The following RFTN1 variants were observed in gnomAD, a reference collection of about 807,000 sequenced individuals.
The protein encoded by RFTN1 is raftlin, lipid raft linker 1.
In RFTN1, 26 loss-of-function variants were observed where a neutral mutation model predicts 46.5. The ratio of observed to expected loss-of-function variants is 0.56; its 90% CI spans 0.41 to 0.78. RFTN1 has a LOEUF of 0.78. RFTN1 is among the 30% of genes least tolerant of loss of function. The pLI, the probability that RFTN1 is intolerant of heterozygous loss-of-function variation, is 0.00. For missense variants in RFTN1, 693 were observed against 718.7 expected (o/e 0.96, Z 0.41); for synonymous variants, 261 against 284.2 (o/e 0.92, Z 0.82).
chr3:16,510,831 C>T (rs551416845), intron 1 of RFTN1, among the ~76,000 whole-genome samples: 6 of 152,234 alleles, frequency 3.9e-5, no homozygotes, highest in African/African-American at 7.2e-5. Context: ...CAAATGTTCA[C>T]GGCAGCTTTG....
chr3:16,447,585 T>C lies in RFTN1; in HGVS notation c.146-13548A>G, dbSNP rs73022298. ...GTCCCTAATGGTGTTTGGGGGCACA[T>C]GCACATGTCCCTCCCAGCTGCCTTC... is the stretch of plus-strand genomic sequence containing the variant. On this transcript the variant is annotated intron_variant, in intron 2 of 9. Coordinates refer to ENST00000334133, the MANE Select transcript of RFTN1 (RefSeq NM_015150.2). The surrounding 1 kb of genome is among the most constrained non-coding windows in gnomAD (Gnocchi z 5.9). Among the ~76,000 whole-genome samples, 23,683 of 152,218 alleles carry C rather than the reference T, an allele frequency of 0.16. 2,332 individuals carry two copies. The highest frequency in any genetic ancestry group is 0.25 in the South Asian group (1,185 of 4,814).
intron 7 of RFTN1, chr3:16,349,611 T>C (rs976993722): frequency 2.0e-5 from 3 of 152,242 alleles, no homozygotes; most frequent in Non-Finnish European, 4.4e-5. Flanking sequence ...GAAAAGGGTA[T>C]GTTCAAGACA....
rs985458266 is a variant in RFTN1, at chr3:16,346,456, T to C, written c.1146+11476A>G. 1 of 152,068 alleles carries C rather than the reference T, an allele frequency of 6.6e-6. No homozygotes were observed. Among genetic ancestry groups the C allele is most frequent in the Non-Finnish European group, 1.5e-5 (1 of 67,916 alleles). 9.4% of individuals were successfully genotyped at this position (152,068 alleles called of 1,614,324 possible). On this transcript the variant is annotated intron_variant, in intron 7 of 9. Transcript: ENST00000334133. This position sits in a 1 kb window ranked among gnomAD's most constrained non-coding sequence, Gnocchi z 4.4. Reference sequence around the variant, plus strand: ...CAAATACTTCCTTTTGTCATCTCATTATCCAAACCGTCAACAAGTCCAGTC... The same window carrying C: ...CAAATACTTCCTTTTGTCATCTCATCATCCAAACCGTCAACAAGTCCAGTC...
Position 16,473,044 on chromosome 3 carries a change from C to G in RFTN1, c.145+20681G>C. On this transcript the variant is annotated intron_variant, in intron 2 of 9. Transcript: ENST00000334133. This position sits in a 1 kb window ranked among gnomAD's most constrained non-coding sequence, Gnocchi z 5.3. ...TAAATGATACTAGGAAATCTGTTGG[C>G]TATAAATGAACTCATCGATAACACT... 6.6e-6 allele frequency among the ~76,000 whole-genome samples: 1 copy of G among 152,188 alleles called. No individual in the cohort carries two copies. The highest frequency in any genetic ancestry group is 2.4e-5 in the African/African-American group (1 of 41,422).
At chr3:16,503,927 A>G (rs577807905) in intron 1 of RFTN1, among the ~76,000 whole-genome samples, 18 of 152,376 alleles carry the variant, frequency 1.2e-4, no homozygotes, top group African/African-American at 4.1e-4. Flanking sequence ...TATTTGCTTC[A>G]GATAGTTTAT....
At chr3:16,486,072 G>C (rs1245371428) in intron 2 of RFTN1, among the ~76,000 whole-genome samples, 1 of 152,244 alleles carries the variant, frequency 6.6e-6, no homozygotes, top group East Asian at 1.9e-4. Context: ...TGTCATCCCA[G>C]GTGCCCAGCA....
At chr3:16,349,045 A>T (rs2071918846) in intron 7 of RFTN1, 1 of 152,228 alleles carries the variant, frequency 6.6e-6, no homozygotes, top group Admixed American at 6.5e-5. Context: ...GGACTCAATA[A>T]TCAGATCATG....
rs906731230 is a variant in RFTN1 at position 16,361,394 on chromosome 3, G to A, written c.1031-3347C>T. Among the ~76,000 whole-genome samples, 18 of 152,282 alleles carry A rather than the reference G, an allele frequency of 1.2e-4. No individual in the cohort carries two copies. Among genetic ancestry groups the A allele is most frequent in the African/African-American group, 4.1e-4 (17 of 41,542 alleles). On this transcript the variant is annotated intron_variant, in intron 6 of 9. Coordinates refer to ENST00000334133, the MANE Select transcript of RFTN1 (RefSeq NM_015150.2). This position sits in a 1 kb window ranked among gnomAD's most constrained non-coding sequence, Gnocchi z 4.3. The stretch of plus-strand genomic sequence containing the variant: ...GCCTACATGAAGCTTACCTTGCAGT[G>A]GAGGAGGAAGACAATAACATCATGT...
At chr3:16,471,689 C>T (rs2076198861) in intron 2 of RFTN1, among the ~76,000 whole-genome samples, 1 of 152,052 alleles carries the variant, frequency 6.6e-6, no homozygotes, top group Non-Finnish European at 1.5e-5. Flanking sequence ...AATTGGTTAT[C>T]CCAAGTTCCT....
intron 4 of RFTN1, among the ~76,000 whole-genome samples, chr3:16,379,435 C>T (rs925800597): frequency 6.6e-6 from 1 of 152,202 alleles, no homozygotes; most frequent in African/African-American, 2.4e-5. Context: ...TAAATTAAAA[C>T]AACAAAACGT....
rs1419467031 is a variant in RFTN1, at chr3:16,480,768, G to A, written c.145+12957C>T. ...AACGCAATATTGCTAATAATAATTAGTAGGGTGCATAGAATATTAACTTGT... is the reference window on the plus strand; with the variant it reads ...AACGCAATATTGCTAATAATAATTAATAGGGTGCATAGAATATTAACTTGT... On this transcript the variant is annotated intron_variant, in intron 2 of 9. Coordinates refer to ENST00000334133, the MANE Select transcript of RFTN1 (RefSeq NM_015150.2). The surrounding 1 kb of genome is among the most constrained non-coding windows in gnomAD (Gnocchi z 4.3). Among the ~76,000 whole-genome samples, 1 of 152,190 alleles carries A rather than the reference G, an allele frequency of 6.6e-6. No homozygotes were observed. The highest frequency in any genetic ancestry group is 2.4e-5 in the African/African-American group (1 of 41,432).
chr3:16,358,289 T>C (rs1440142541), intron 6 of RFTN1, among the ~76,000 whole-genome samples: 2 of 152,230 alleles, frequency 1.3e-5, no homozygotes, highest in African/African-American at 2.4e-5. Flanking sequence ...CCAAATTTCA[T>C]TGTTAGCAAT....
At chr3:16,343,415 A>G (rs2071437503) in intron 7 of RFTN1, among the ~76,000 whole-genome samples, 1 of 152,230 alleles carries the variant, frequency 6.6e-6, no homozygotes, top group Non-Finnish European at 1.5e-5. Context: ...CAAAGATATG[A>G]GGAAGCCAGC....
At position 16,424,172 on chromosome 3, in the gene RFTN1, A is replaced by T. The variant is rs1202873056; in HGVS notation, c.332+9679T>A. Among the ~76,000 whole-genome samples, 1 of 152,176 alleles carries T rather than the reference A, an allele frequency of 6.6e-6. No individual in the cohort carries two copies. The highest frequency in any genetic ancestry group is 1.5e-5 in the Non-Finnish European group (1 of 68,036). On this transcript the variant is annotated intron_variant, in intron 3 of 9. Coordinates refer to ENST00000334133, the MANE Select transcript of RFTN1 (RefSeq NM_015150.2). The surrounding 1 kb of genome is among the most constrained non-coding windows in gnomAD (Gnocchi z 4.7). ...CAGAATTCTCTGAGGATGTTTCTAT[A>T]AGCTCTGGGGCCTCTGAGTTGAAAG...
intron 1 of RFTN1, among the ~76,000 whole-genome samples, chr3:16,494,617 A>G (rs1471790937): frequency 6.6e-6 from 1 of 152,250 alleles, no homozygotes; most frequent in Non-Finnish European, 1.5e-5. Flanking sequence ...CAGTTTGAAA[A>G]GAAAATAAAG....
In RFTN1 at chr3:16,458,656, C is replaced by G. The variant is rs781063412; in HGVS notation, c.146-24619G>C. On this transcript the variant is annotated intron_variant, in intron 2 of 9. Transcript: ENST00000334133. This position sits in a 1 kb window ranked among gnomAD's most constrained non-coding sequence, Gnocchi z 5.1. ...ATTTACATATCATAGCAAACAGCCT[C>G]TTATTTAGATGTCAAATTCCAGCAA... 3.3e-5 allele frequency among the ~76,000 whole-genome samples: 5 copies of G among 152,200 alleles called. No homozygotes were observed. The highest frequency in any genetic ancestry group is 7.3e-5 in the Non-Finnish European group (5 of 68,032).
chr3:16,369,159 A>G (rs1382861340), intron 6 of RFTN1, among the ~76,000 whole-genome samples: 1 of 152,268 alleles, frequency 6.6e-6, no homozygotes, highest in African/African-American at 2.4e-5. Context: ...AGAATTCAGA[A>G]TGGTCTCTAT....
At position 16,504,579 on chromosome 3, in the gene RFTN1, C is replaced by T. The variant is rs9990208; in HGVS notation, c.-9+8863G>A. On this transcript the variant is annotated intron_variant, in intron 1 of 9. Transcript: ENST00000334133. The surrounding 1 kb of genome is among the most constrained non-coding windows in gnomAD (Gnocchi z 4.4). The stretch of plus-strand genomic sequence containing the variant: ...GCCACCCTGTGCCTTTGCTGCAGTG[C>T]CTTGCGGTATCTTAGCACAGAATTT... Among the ~76,000 whole-genome samples, 20,889 of 152,166 alleles carry T rather than the reference C, an allele frequency of 0.14. 1,826 individuals carry two copies. The highest frequency in any genetic ancestry group is 0.24 in the African/African-American group (9,932 of 41,460).
At chr3:16,470,582 C>T (rs1467659109) in intron 2 of RFTN1, among the ~76,000 whole-genome samples, 2 of 152,164 alleles carry the variant, frequency 1.3e-5, no homozygotes, top group African/African-American at 4.8e-5. Context: ...TAAACTCTGC[C>T]CAGATCTCTG....
Sources: gnomAD v4.1 joint callset for allele counts (sites outside exome capture counted in the v4.1 genomes callset) on GRCh38, gnomAD v4.1.1 for gene constraint, Gnocchi (gnomAD v3.1) non-coding constraint, MANE v1.5 for transcripts, NCBI Gene and HGNC (gene_info 2026-07-23, HGNC 2026-07-21) for gene names.